The following DBT variants were observed in gnomAD, a reference collection of about 807,000 sequenced individuals.
The protein encoded by DBT is lipoamide acyltransferase component of branched-chain alpha-keto acid dehydrogenase complex, mitochondrial.
A neutral mutation model predicts 51.3 loss-of-function variants in DBT; 40 were observed. The ratio of observed to expected loss-of-function variants is 0.78; its 90% CI spans 0.61 to 1.02. DBT has a LOEUF of 1.02. Among genes scored for constraint, DBT ranks in the 50% least tolerant of loss-of-function variants. The pLI is 0.00. For synonymous variants in DBT, 181 were observed against 190.4 expected, an observed-to-expected ratio of 0.95 and a Z score of 0.41; for missense variants, 510 against 580.2, an observed-to-expected ratio of 0.88 and a Z score of 1.24.
At chr1:100,236,844 T>C (rs780930865) in intron 2 of DBT, among the ~76,000 whole-genome samples, 28 of 152,326 alleles carry the variant, frequency 1.8e-4, no homozygotes, top group South Asian at 1.2e-3. Context: ...TGATGGTTCA[T>C]GGCAAGGTTA....
At chr1:100,200,782 CCCAGCAAACT>C (rs1404089394) in intron 10 of DBT, among the ~76,000 whole-genome samples, 1 of 152,146 alleles carries the variant, frequency 6.6e-6, no homozygotes, top group Non-Finnish European at 1.5e-5. Context: ...GGAATGGACC[CCCAGCAAACT>C]CCAGCAGACC....
chr1:100,217,457 T>C (rs11578881), intron 5 of DBT, among the ~76,000 whole-genome samples: 120,697 of 152,186 alleles, frequency 0.79, 49,364 homozygotes, highest in East Asian at 0.95. Flanking sequence ...AATTTGAATG[T>C]GTATGCATCT....
intron 10 of DBT, among the ~76,000 whole-genome samples, chr1:100,204,205 C>T (rs1570804082): frequency 6.6e-6 from 1 of 152,142 alleles, no homozygotes; most frequent in Non-Finnish European, 1.5e-5. Context: ...TAGAAAACCC[C>T]ATCGGCTCAG....
At chr1:100,210,668 G>T (rs528530255) in intron 8 of DBT, 26 bp downstream of exon 8, 16 of 1,612,402 alleles carry the variant, frequency 9.9e-6, no homozygotes, top group Non-Finnish European at 1.2e-5. Context: ...TTAATAATAA[G>T]AACATTTTTA....
chr1:100,217,578 A>T (rs1413982390), intron 5 of DBT, among the ~76,000 whole-genome samples: 2 of 152,210 alleles, frequency 1.3e-5, no homozygotes, highest in Non-Finnish European at 2.9e-5. Context: ...CATTTTAATG[A>T]CTCTATTACA....
chr1:100,209,354 T>TCC (rs1661993966), intron 8 of DBT, among the ~76,000 whole-genome samples: 1 of 151,820 alleles, frequency 6.6e-6, no homozygotes, highest in Admixed American at 6.6e-5. Flanking sequence ...CCTACCTCTG[T>TCC]CCCCCAAAGT....
rs565879664 is a variant in DBT at position 100,235,472 on chromosome 1, A to G, written c.215T>C (p.Ile72Thr). The G allele has an allele frequency of 8.8e-6, 14 of 1,596,786 alleles. No individual in the cohort carries two copies. The highest frequency in any genetic ancestry group is 2.2e-5 in the South Asian group (2 of 90,028). The change falls in exon 3 of 11, where the codon ATT becomes ACT. Residue 72 changes from isoleucine (I) to threonine (T), a missense_variant. Ile to Thr is a moderately conservative substitution (Grantham distance 89). Coordinates refer to ENST00000370132, the MANE Select transcript of DBT (RefSeq NM_001918.5). Reference protein sequence around the residue: ...GQVVQFKLSDIGEGIREVTVK... With the variant: ...GQVVQFKLSDTGEGIREVTVK... ...AGTTACTTCTCTAATCCCTTCTCCAATGTCTGAGAGCTTGAACTGAACAAC... is the reference window on the plus strand; with the variant it reads ...AGTTACTTCTCTAATCCCTTCTCCAGTGTCTGAGAGCTTGAACTGAACAAC...
rs535783418 is a variant in DBT at position 100,226,565 on chromosome 1, G to A, written c.433+4168C>T. Among the ~76,000 whole-genome samples the A allele has an allele frequency of 3.3e-5, 5 of 152,170 alleles. 1 individual carries two copies. Among genetic ancestry groups the A allele is most frequent in the South Asian group, 4.1e-4 (2 of 4,820 alleles). On this transcript the variant is annotated intron_variant, in intron 4 of 10. Transcript: ENST00000370132. ...CTCCCAAAATGTTAGGATTACTGGC[G>A]TGAGCCACTGTGCCTAGCCAATAAT...
At position 100,230,729 on chromosome 1, in the gene DBT, A is replaced by C; in HGVS notation, c.433+4T>G. On this transcript the variant is annotated splice_donor_region_variant and intron_variant, in intron 4 of 10. Coordinates refer to ENST00000370132, the MANE Select transcript of DBT (RefSeq NM_001918.5). ...GGTAAAATAGATTAACAGACTTACA[A>C]TACCTTTTAAAGCTTCCGTTTCTAT... 6.3e-7 allele frequency: 1 copy of C among 1,593,656 alleles called. No individual in the cohort carries two copies. The highest frequency in any genetic ancestry group is 8.6e-7 in the Non-Finnish European group (1 of 1,163,548).
chr1:100,211,154 A>G, intron 7 of DBT: 1 of 778,152 alleles, frequency 1.3e-6, no homozygotes, highest in South Asian at 1.3e-5. Context: ...AAAAGCAGGT[A>G]AGCTATTTCT....
chr1:100,212,311 C>A (rs1013468470), intron 7 of DBT, among the ~76,000 whole-genome samples: 20 of 151,940 alleles, frequency 1.3e-4, no homozygotes, highest in African/African-American at 4.8e-4. Flanking sequence ...AACAAAATAG[C>A]CAGGCATGCT....
At chr1:100,244,828 A>C (rs1341812994) in intron 1 of DBT, among the ~76,000 whole-genome samples, 1 of 152,198 alleles carries the variant, frequency 6.6e-6, no homozygotes, top group Non-Finnish European at 1.5e-5. Context: ...ACCTATTTTC[A>C]GACTACAGTA....
intron 6 of DBT, among the ~76,000 whole-genome samples, chr1:100,215,754 G>A (rs893015059): frequency 5.9e-5 from 9 of 152,070 alleles, no homozygotes; most frequent in East Asian, 1.9e-4. Flanking sequence ...CCTGGGAGGC[G>A]GAGGCTGCAG....
Position 100,235,432 on chromosome 1 carries a change from T to C in DBT, c.251+4A>G, listed in dbSNP as rs1365717812. ...ACTTAAGAGCTTTTTTCAGATTCAC[T>C]TACCATTCTTTAACAGTTACTTCTC... On this transcript the variant is annotated splice_donor_region_variant and intron_variant, in intron 3 of 10. Coordinates refer to ENST00000370132, the MANE Select transcript of DBT (RefSeq NM_001918.5). 2 of 1,450,754 alleles carry C rather than the reference T, an allele frequency of 1.4e-6. No homozygotes were observed. Among genetic ancestry groups the C allele is most frequent in the South Asian group, 2.4e-5 (2 of 84,942 alleles). The allele number at this position is 1,450,754 out of a possible 1,614,324, so 89.9% of individuals were successfully genotyped here. A position where few individuals can be genotyped will look rare whatever the true frequency, so the allele number is the denominator to read the frequency against.
intron 5 of DBT, 97 bp from the exon 6 acceptor site, chr1:100,216,296 C>T (rs1662480782): frequency 1.2e-6 from 1 of 828,242 alleles, no homozygotes; most frequent in Non-Finnish European, 2.0e-6. Flanking sequence ...TAAAATATAT[C>T]TGTCCAATAA....
intron 10 of DBT, among the ~76,000 whole-genome samples, chr1:100,204,871 A>G (rs934913075): frequency 2.6e-5 from 4 of 152,232 alleles, no homozygotes; most frequent in African/African-American, 9.6e-5. Context: ...TTCCCTATTT[A>G]ATAAATGGTG....
At position 100,191,291 on chromosome 1, in the gene DBT, T is replaced by C. The variant is rs1281089183; in HGVS notation, c.*4964A>G. 1 of 152,206 alleles carries C rather than the reference T, an allele frequency of 6.6e-6. No homozygotes were observed. The highest frequency in any genetic ancestry group is 2.4e-5 in the African/African-American group (1 of 41,444). The allele number at this position is 152,206 out of a possible 1,614,324, so 9.4% of individuals were successfully genotyped here. A position where few individuals can be genotyped will look rare whatever the true frequency, so the allele number is the denominator to read the frequency against. Reference sequence around the variant, plus strand: ...AGTAGAATTATTTCTCAAATTAACATTGAACTTAAACTGGGAAGAAAATAC... The same window carrying C: ...AGTAGAATTATTTCTCAAATTAACACTGAACTTAAACTGGGAAGAAAATAC... On this transcript the variant is annotated 3_prime_UTR_variant, in exon 11 of 11. Transcript: ENST00000370132.
At chr1:100,205,016 T>C (rs1557943304) in intron 10 of DBT, among the ~76,000 whole-genome samples, 1 of 152,100 alleles carries the variant, frequency 6.6e-6, no homozygotes, top group Non-Finnish European at 1.5e-5. Flanking sequence ...GAAGAAAACC[T>C]AGGCAATACC....
chr1:100,230,657 C>G, intron 4 of DBT, 76 bp downstream of exon 4: 1 of 847,662 alleles, frequency 1.2e-6, no homozygotes, highest in South Asian at 1.7e-5. Flanking sequence ...AAACAAAGAT[C>G]ACTTTTAATT....
Sources: allele counts gnomAD v4.1 joint callset (sites outside exome capture counted in the v4.1 genomes callset), GRCh38; gene constraint gnomAD v4.1.1; transcripts MANE v1.5; gene names NCBI Gene and HGNC (gene_info 2026-07-23, HGNC 2026-07-21).